SCN11A: variants seen among roughly 807,000 people sequenced by gnomAD.
SCN11A encodes sodium voltage-gated channel alpha subunit 11.
In SCN11A, 122 loss-of-function variants were observed where a neutral mutation model predicts 162.2. The ratio of observed to expected loss-of-function variants is 0.75; its 90% CI spans 0.65 to 0.87. The LOEUF (loss-of-function observed/expected upper bound fraction) is 0.87. Among genes scored for constraint, SCN11A ranks in the 40% least tolerant of loss-of-function variants. SCN11A has a pLI of 0.00. For missense variants in SCN11A, 2,015 were observed against 2,181.6 expected (o/e 0.92, Z 1.52); for synonymous variants, 758 against 751.5 (o/e 1.01, Z -0.14).
intron 2 of SCN11A, among the ~76,000 whole-genome samples, chr3:38,962,326 C>T (rs1204719716): frequency 6.6e-6 from 1 of 152,016 alleles, no homozygotes; most frequent in Non-Finnish European, 1.5e-5. Context: ...GTTGTTTTTT[C>T]TTAGTGTTGC....
At chr3:38,982,146 G>A (rs1418075592) in intron 2 of SCN11A, among the ~76,000 whole-genome samples, 2 of 152,198 alleles carry the variant, frequency 1.3e-5, no homozygotes, top group African/African-American at 4.8e-5. Context: ...AGTGCAAAAG[G>A]AGATGGCATT....
intron 2 of SCN11A, among the ~76,000 whole-genome samples, chr3:39,006,397 T>TA (rs1373587232): frequency 6.6e-6 from 1 of 152,074 alleles, no homozygotes; most frequent in Non-Finnish European, 1.5e-5. Flanking sequence ...TCCTTGAAAA[T>TA]AGCCCAGCCA....
intron 1 of SCN11A, among the ~76,000 whole-genome samples, chr3:39,050,697 TC>T (rs1167926015): frequency 6.6e-6 from 1 of 152,210 alleles, no homozygotes; most frequent in African/African-American, 2.4e-5. Context: ...TATTCTAATA[TC>T]CATGACAAAA....
At chr3:38,948,226 C>G (rs529929779) in intron 5 of SCN11A, among the ~76,000 whole-genome samples, 1 of 152,324 alleles carries the variant, frequency 6.6e-6, no homozygotes, top group South Asian at 2.1e-4. Context: ...AATTTTGGGG[C>G]AGAAACAAAC....
chr3:38,941,379 G>A (rs1473798759), intron 7 of SCN11A, among the ~76,000 whole-genome samples: 1 of 152,072 alleles, frequency 6.6e-6, no homozygotes, highest in Admixed American at 6.6e-5. Flanking sequence ...GTTGCCAACA[G>A]AACTGAACCA....
At chr3:38,959,464 A>AAGCTTCC (rs5848478) in intron 3 of SCN11A, among the ~76,000 whole-genome samples, 2,407 of 152,250 alleles carry the variant, frequency 0.016, 67 homozygotes, top group African/African-American at 0.056. Context: ...AAAGCCTCAC[A>AAGCTTCC]AGCTTCCAAC....
At chr3:38,989,614 C>T (rs959960055) in intron 2 of SCN11A, among the ~76,000 whole-genome samples, 4 of 152,184 alleles carry the variant, frequency 2.6e-5, no homozygotes, top group Non-Finnish European at 5.9e-5. Flanking sequence ...CATCCACATG[C>T]CTCAGTCCAG....
Position 38,902,874 on chromosome 3 carries a change from CAA to C in SCN11A, c.1842+989_1842+990del, listed in dbSNP as rs145201334. On this transcript the variant is annotated intron_variant, in intron 16 of 29. Transcript: ENST00000302328. ...TTTAAAGACATGTAAAAAGACATCA[CAA>C]AAAAAAAAATGCCAAAAAAGGAGAA... 1.2e-3 allele frequency among the ~76,000 whole-genome samples: 160 copies of C among 131,904 alleles called. 1 individual carries two copies. Among genetic ancestry groups the C allele is most frequent in the African/African-American group, 2.3e-3 (84 of 35,792 alleles). The allele number at this position is 131,904 out of a possible 152,430, so 86.5% of individuals were successfully genotyped here. A position where few individuals can be genotyped will look rare whatever the true frequency, so the allele number is the denominator to read the frequency against.
At chr3:38,962,362 A>G (rs11715262) in intron 2 of SCN11A, among the ~76,000 whole-genome samples, 2 of 151,850 alleles carry the variant, frequency 1.3e-5, no homozygotes, top group East Asian at 3.9e-4. Flanking sequence ...TCTTTTTTGG[A>G]TCCATATGGA....
chr3:38,966,054 G>A lies in SCN11A; in HGVS notation c.-279-5631C>T, dbSNP rs140776344. On this transcript the variant is annotated intron_variant, in intron 2 of 29. Coordinates refer to ENST00000302328, the MANE Select transcript of SCN11A (RefSeq NM_001349253.2). ...TTTGAAAAAATATATATCACTGGTA[G>A]AGGCAGCTGGCTTAGTACCTGAGAT... 4.7e-3 allele frequency among the ~76,000 whole-genome samples: 713 copies of A among 152,298 alleles called. 2 individuals are homozygous for A. Among genetic ancestry groups the A allele is most frequent in the Middle Eastern group, 6.8e-3 (2 of 294 alleles).
chr3:38,995,823 A>G (rs556510176), intron 2 of SCN11A, among the ~76,000 whole-genome samples: 13 of 137,570 alleles, frequency 9.4e-5, no homozygotes, highest in African/African-American at 4.6e-4. Flanking sequence ...CTATCTGTCT[A>G]TCTATCTATC....
At chr3:39,005,418 G>A (rs72858015) in intron 2 of SCN11A, among the ~76,000 whole-genome samples, 12,662 of 152,246 alleles carry the variant, frequency 0.083, 742 homozygotes, top group African/African-American at 0.16. Context: ...ACCCCTGAGA[G>A]GGGTAACAAA....
chr3:39,031,302 G>A (rs1228120828), intron 2 of SCN11A, among the ~76,000 whole-genome samples: 1 of 152,124 alleles, frequency 6.6e-6, no homozygotes, highest in African/African-American at 2.4e-5. Flanking sequence ...AAAGCAGGAG[G>A]ATCACTTGAG....
chr3:38,951,322 TC>T (rs2125578304), intron 4 of SCN11A, among the ~76,000 whole-genome samples: 1 of 152,038 alleles, frequency 6.6e-6, no homozygotes, highest in East Asian at 1.9e-4. Flanking sequence ...GTGTACTGGG[TC>T]CCCCAGCAGA....
chr3:39,013,817 C>T (rs2031212213), intron 2 of SCN11A, among the ~76,000 whole-genome samples: 1 of 152,210 alleles, frequency 6.6e-6, no homozygotes, highest in African/African-American at 2.4e-5. Context: ...GCAGCAACAG[C>T]AGGTCTGGCT....
chr3:39,027,140 G>A (rs1242668588), intron 2 of SCN11A, among the ~76,000 whole-genome samples: 1 of 152,132 alleles, frequency 6.6e-6, no homozygotes, highest in Non-Finnish European at 1.5e-5. Context: ...AGAAGCCCTG[G>A]CCCTAGAAAC....
At chr3:39,043,468 G>A (rs1402167821) in intron 1 of SCN11A, among the ~76,000 whole-genome samples, 3 of 132,894 alleles carry the variant, frequency 2.3e-5, no homozygotes, top group Admixed American at 7.9e-5. Flanking sequence ...TATACACAAT[G>A]AAGTACTATA....
chr3:39,016,953 T>C (rs994730509), intron 2 of SCN11A, among the ~76,000 whole-genome samples: 1 of 152,222 alleles, frequency 6.6e-6, no homozygotes, highest in Non-Finnish European at 1.5e-5. Context: ...TATAAGTTGA[T>C]AGTATTTTTA....
intron 1 of SCN11A, among the ~76,000 whole-genome samples, 181 bp downstream of exon 1, chr3:39,051,680 A>G (rs1375353961): frequency 6.6e-6 from 1 of 151,780 alleles, no homozygotes; most frequent in Non-Finnish European, 1.5e-5. Flanking sequence ...CATGTCTAGC[A>G]CTGTTAATTC....
Sources: gnomAD v4.1 joint callset for allele counts (sites outside exome capture counted in the v4.1 genomes callset) on GRCh38, gnomAD v4.1.1 for gene constraint, MANE v1.5 for transcripts, NCBI Gene and HGNC (gene_info 2026-07-23, HGNC 2026-07-21) for gene names.